Variants in PKP4 observed in about 807,000 individuals in gnomAD.
PKP4 encodes the protein plakophilin 4.
PKP4 carries 90 observed loss-of-function variants against 145.1 expected under a neutral mutation model. That is an observed-to-expected ratio of 0.62 (90% confidence interval 0.52 to 0.74). PKP4 has a LOEUF of 0.74. Ranked by LOEUF, PKP4 falls within the 30% of genes least tolerant of loss-of-function variation. The pLI is 0.00. For missense variants in PKP4, 1,340 were observed against 1,482.7 expected (o/e 0.90, Z 1.58); for synonymous variants, 563 against 577.2 (o/e 0.98, Z 0.35).
At chr2:158,612,203 A>G (rs887994847) in intron 4 of PKP4, among the ~76,000 whole-genome samples, 4 of 152,122 alleles carry the variant, frequency 2.6e-5, no homozygotes, top group Non-Finnish European at 5.9e-5. Flanking sequence ...TGTATGTCTA[A>G]GTATCCACAC....
intron 1 of PKP4, among the ~76,000 whole-genome samples, chr2:158,484,058 G>A (rs1253092279): frequency 5.6e-5 from 8 of 144,012 alleles, no homozygotes; most frequent in Admixed American, 1.4e-4. Flanking sequence ...TTTTTGAGAC[G>A]GAGTCTCGCT....
At chr2:158,617,081 G>A (rs2051703014) in intron 4 of PKP4, among the ~76,000 whole-genome samples, 1 of 152,130 alleles carries the variant, frequency 6.6e-6, no homozygotes, top group African/African-American at 2.4e-5. Context: ...TTCTATAGAT[G>A]CAATGTAACA....
intron 1 of PKP4, among the ~76,000 whole-genome samples, chr2:158,468,372 T>G (rs181101039): frequency 1.3e-5 from 2 of 152,346 alleles, no homozygotes; most frequent in East Asian, 3.9e-4. Flanking sequence ...GTTTACCTTA[T>G]TTTTTAGGAA....
intron 3 of PKP4, among the ~76,000 whole-genome samples, chr2:158,591,370 C>T (rs1158741361): frequency 1.3e-5 from 2 of 151,904 alleles, no homozygotes; most frequent in Non-Finnish European, 2.9e-5. Context: ...TTTAGAGATA[C>T]ATTTCAAGTA....
intron 1 of PKP4, among the ~76,000 whole-genome samples, chr2:158,480,149 A>C (rs1693120808): frequency 6.6e-6 from 1 of 152,154 alleles, no homozygotes; most frequent in Non-Finnish European, 1.5e-5. Context: ...GGTTTTAAAG[A>C]TTTCTGTTAA....
At chr2:158,593,098 T>C (rs1013715438) in intron 3 of PKP4, among the ~76,000 whole-genome samples, 2 of 152,186 alleles carry the variant, frequency 1.3e-5, no homozygotes, top group Non-Finnish European at 2.9e-5. Context: ...TTAAATTTTT[T>C]TAAATTTCCT....
chr2:158,628,036 A>G (rs2052985105), intron 7 of PKP4, among the ~76,000 whole-genome samples: 3 of 151,490 alleles, frequency 2.0e-5, no homozygotes, highest in Admixed American at 2.0e-4. Flanking sequence ...GCTGGAGTAC[A>G]GTGGCACGCT....
chr2:158,612,017 T>TA (rs113392065), intron 4 of PKP4, among the ~76,000 whole-genome samples: 18,437 of 142,078 alleles, frequency 0.13, 1,377 homozygotes, highest in African/African-American at 0.2. Context: ...TATGCTTCTT[T>TA]AAAAAAAAAA....
At chr2:158,656,757 T>TA (rs1196349253) in intron 11 of PKP4, among the ~76,000 whole-genome samples, 7 of 152,220 alleles carry the variant, frequency 4.6e-5, no homozygotes, top group African/African-American at 1.7e-4. Flanking sequence ...TCACGCAGTT[T>TA]AGAGTCAGAA....
intron 3 of PKP4, among the ~76,000 whole-genome samples, chr2:158,580,449 C>G (rs1032699884): frequency 6.6e-6 from 1 of 152,070 alleles, no homozygotes; most frequent in East Asian, 1.9e-4. Context: ...ACAGTTGTCC[C>G]GAGCAGTAAG....
chr2:158,647,418 C>CT (rs934902327), intron 11 of PKP4, among the ~76,000 whole-genome samples: 5 of 152,088 alleles, frequency 3.3e-5, no homozygotes, highest in Admixed American at 2.0e-4. Flanking sequence ...TTAATCCAGT[C>CT]TTTTTTTCTA....
At chr2:158,457,884 T>A (rs1039013528) in intron 1 of PKP4, 1 of 153,108 alleles carries the variant, frequency 6.5e-6, no homozygotes, top group Non-Finnish European at 1.5e-5. Context: ...GCCTCGCCGC[T>A]GCCCTCCTGC....
intron 2 of PKP4, among the ~76,000 whole-genome samples, chr2:158,569,036 T>A (rs1341730913): frequency 6.6e-6 from 1 of 152,176 alleles, no homozygotes; most frequent in African/African-American, 2.4e-5. Flanking sequence ...CCTGTCTTCT[T>A]TGAAGTTCTC....
At position 158,464,539 on chromosome 2, in the gene PKP4, C is replaced by A. The variant is rs116169167; in HGVS notation, c.-6+7321C>A. Among the ~76,000 whole-genome samples, 399 of 152,316 alleles carry A rather than the reference C, an allele frequency of 2.6e-3. 5 individuals carry two copies. The highest frequency in any genetic ancestry group is 9.1e-3 in the African/African-American group (379 of 41,554). ...TTGTTTAAAAATATTGAGGTTAGCT[C>A]TTCCCCTTTGCTAATGCAATAAGCA... On this transcript the variant is annotated intron_variant, in intron 1 of 21. Transcript: ENST00000389759.
intron 1 of PKP4, among the ~76,000 whole-genome samples, chr2:158,460,267 C>G (rs902460706): frequency 5.3e-5 from 8 of 152,074 alleles, no homozygotes; most frequent in African/African-American, 1.9e-4. Context: ...GTGACTAGTT[C>G]TGACATGATA....
chr2:158,671,203 A>T (rs2057527881), intron 17 of PKP4, among the ~76,000 whole-genome samples: 2 of 152,162 alleles, frequency 1.3e-5, no homozygotes, highest in Admixed American at 1.3e-4. Context: ...CAGTGCTGGA[A>T]CTCACATTAC....
intron 4 of PKP4, among the ~76,000 whole-genome samples, chr2:158,605,405 A>T (rs907246560): frequency 6.6e-6 from 1 of 152,212 alleles, no homozygotes; most frequent in Non-Finnish European, 1.5e-5. Context: ...AAAAATATAT[A>T]CACAAGGAAG....
Position 158,680,605 on chromosome 2 carries a change from A to G in PKP4, c.3507A>G (p.Val1169=), listed in dbSNP as rs544885381. 8 of 1,613,872 alleles carry G rather than the reference A, an allele frequency of 5.0e-6. No homozygotes were observed. The East Asian group carries it at 1.3e-4, about 27-fold the overall frequency. ...GACTGAAATCGACCACAAATTATGT[A>G]GACTTTTATTCCACTAAACGACCTT... is the stretch of plus-strand genomic sequence containing the variant. ...QYGLKSTTNY[V]DFYSTKRPSY... The change falls in exon 22 of 22, where the codon GTA becomes GTG. Residue 1169 remains valine, a synonymous_variant. Transcript: ENST00000389759.
chr2:158,626,941 T>C (rs2052855811), intron 7 of PKP4, among the ~76,000 whole-genome samples: 1 of 152,224 alleles, frequency 6.6e-6, no homozygotes, highest in South Asian at 2.1e-4. Context: ...CATTTTGGTT[T>C]TAATTTACAA....
Sources: gnomAD v4.1 joint callset for allele counts (sites outside exome capture counted in the v4.1 genomes callset) on GRCh38, gnomAD v4.1.1 for gene constraint, MANE v1.5 for transcripts, NCBI Gene and HGNC (gene_info 2026-07-23, HGNC 2026-07-21) for gene names.